The following CNTNAP2 variants were observed in gnomAD, a reference collection of about 807,000 sequenced individuals.
The protein encoded by CNTNAP2 is contactin associated protein 2, also known as contactin-associated protein-like 2.
Under a neutral mutation model 155.2 loss-of-function variants are expected in CNTNAP2, and 98 were observed. The observed-to-expected ratio is 0.63, with a 90% CI of 0.54 to 0.75. The LOEUF (loss-of-function observed/expected upper bound fraction) is 0.75. CNTNAP2 is among the 30% of genes least tolerant of loss of function. CNTNAP2 has a pLI of 0.00. For missense variants in CNTNAP2, 1,727 were observed against 1,688.1 expected, an observed-to-expected ratio of 1.02 and a Z score of -0.40; for synonymous variants, 651 against 631.2, an observed-to-expected ratio of 1.03 and a Z score of -0.47.
At chr7:148,334,445 A>G (rs1585283934) in intron 21 of CNTNAP2, among the ~76,000 whole-genome samples, 1 of 152,240 alleles carries the variant, frequency 6.6e-6, no homozygotes, top group Admixed American at 6.5e-5. Flanking sequence ...TTGCTACACA[A>G]TAACTTGGCA....
chr7:146,933,561 T>G (rs1055667111), intron 3 of CNTNAP2, among the ~76,000 whole-genome samples: 43 of 149,904 alleles, frequency 2.9e-4, no homozygotes, highest in African/African-American at 1.1e-3. Context: ...CCAAAAGCAA[T>G]GGCAACAAAA....
At chr7:146,199,936 A>T (rs1209032413) in intron 1 of CNTNAP2, among the ~76,000 whole-genome samples, 1 of 152,164 alleles carries the variant, frequency 6.6e-6, no homozygotes, top group Non-Finnish European at 1.5e-5. Flanking sequence ...TGGCTAGCTA[A>T]AATAAACTAA....
chr7:147,877,365 T>C (rs960559499), intron 13 of CNTNAP2, among the ~76,000 whole-genome samples: 3 of 152,190 alleles, frequency 2.0e-5, no homozygotes, highest in Admixed American at 6.5e-5. Context: ...TGCCCAGCAC[T>C]GAGCTAAACA....
At chr7:147,829,459 A>C (rs1402465949) in intron 13 of CNTNAP2, among the ~76,000 whole-genome samples, 1 of 152,222 alleles carries the variant, frequency 6.6e-6, no homozygotes, top group Non-Finnish European at 1.5e-5. Context: ...TTTGTCAGTG[A>C]TCATAATAGC....
At chr7:146,371,316 C>T (rs1795230429) in intron 1 of CNTNAP2, among the ~76,000 whole-genome samples, 1 of 148,818 alleles carries the variant, frequency 6.7e-6, no homozygotes, top group Non-Finnish European at 1.5e-5. Flanking sequence ...CATATCTATC[C>T]TTTTAAACTT....
chr7:146,539,992 G>A (rs2693407), intron 1 of CNTNAP2, among the ~76,000 whole-genome samples: 73,134 of 151,840 alleles, frequency 0.48, 21,094 homozygotes, highest in African/African-American at 0.82. Context: ...GTCAGAGGAG[G>A]GTGTTTACAC....
At chr7:147,221,919 T>C (rs577327845) in intron 8 of CNTNAP2, among the ~76,000 whole-genome samples, 1 of 152,322 alleles carries the variant, frequency 6.6e-6, no homozygotes, top group East Asian at 1.9e-4. Flanking sequence ...ACTCTTTTCT[T>C]GCTTGCATGG....
At chr7:148,353,594 A>G (rs1045997681) in intron 21 of CNTNAP2, among the ~76,000 whole-genome samples, 1 of 152,238 alleles carries the variant, frequency 6.6e-6, no homozygotes, top group Non-Finnish European at 1.5e-5. Context: ...ATTATTATCA[A>G]GAGCCTTTTG....
At chr7:146,497,984 A>C (rs1797245352) in intron 1 of CNTNAP2, among the ~76,000 whole-genome samples, 1 of 151,766 alleles carries the variant, frequency 6.6e-6, no homozygotes, top group Non-Finnish European at 1.5e-5. Context: ...TTACTAAAGT[A>C]CTGTACTGGA....
At chr7:147,370,152 C>T (rs1028680366) in intron 9 of CNTNAP2, among the ~76,000 whole-genome samples, 1 of 150,334 alleles carries the variant, frequency 6.7e-6, no homozygotes, top group South Asian at 2.1e-4. Flanking sequence ...AGAGTGTGTG[C>T]GATTTGCTAC....
chr7:148,126,465 G>T (rs1441521517), intron 16 of CNTNAP2, among the ~76,000 whole-genome samples: 1 of 152,130 alleles, frequency 6.6e-6, no homozygotes, highest in Non-Finnish European at 1.5e-5. Context: ...AATAATATGT[G>T]GAAAGGTGGA....
At chr7:148,251,469 T>C (rs1485048062) in intron 20 of CNTNAP2, among the ~76,000 whole-genome samples, 2 of 151,004 alleles carry the variant, frequency 1.3e-5, no homozygotes, top group Admixed American at 6.6e-5. Flanking sequence ...GTGTCCAAAG[T>C]TTTTTTTAGA....
At chr7:148,105,337 G>A (rs1293064844) in intron 15 of CNTNAP2, among the ~76,000 whole-genome samples, 3 of 152,100 alleles carry the variant, frequency 2.0e-5, no homozygotes, top group Admixed American at 1.3e-4. Flanking sequence ...CCAAAAAGAG[G>A]AAACAGTGCA....
At chr7:148,121,210 T>A (rs1321756018) in intron 16 of CNTNAP2, among the ~76,000 whole-genome samples, 2 of 152,008 alleles carry the variant, frequency 1.3e-5, no homozygotes, top group African/African-American at 4.8e-5. Flanking sequence ...AATTTTTGTA[T>A]TTTTAGTAGA....
At chr7:146,970,312 C>G (rs570097465) in intron 3 of CNTNAP2, among the ~76,000 whole-genome samples, 4 of 151,972 alleles carry the variant, frequency 2.6e-5, no homozygotes, top group Non-Finnish European at 5.9e-5. Flanking sequence ...ACCTACTCAT[C>G]TGACAAAGGG....
At chr7:147,368,426 C>T (rs1457867239) in intron 9 of CNTNAP2, among the ~76,000 whole-genome samples, 1 of 152,062 alleles carries the variant, frequency 6.6e-6, no homozygotes, top group Non-Finnish European at 1.5e-5. Flanking sequence ...CTTGCTTTAG[C>T]TCTTAAATAG....
intron 1 of CNTNAP2, among the ~76,000 whole-genome samples, chr7:146,592,389 G>A (rs1434915669): frequency 6.6e-6 from 1 of 152,198 alleles, no homozygotes; most frequent in Non-Finnish European, 1.5e-5. Flanking sequence ...TGGACCAGAT[G>A]GTCCCAAAGT....
At chr7:146,302,403 A>G (rs1382684872) in intron 1 of CNTNAP2, among the ~76,000 whole-genome samples, 1 of 152,158 alleles carries the variant, frequency 6.6e-6, no homozygotes, top group African/African-American at 2.4e-5. Flanking sequence ...CACTTAGTCA[A>G]AAATCTTAAG....
intron 3 of CNTNAP2, among the ~76,000 whole-genome samples, chr7:147,042,463 A>G (rs1799278228): frequency 6.6e-6 from 1 of 152,138 alleles, no homozygotes; most frequent in South Asian, 2.1e-4. Flanking sequence ...TGCGGGTTGG[A>G]TAACAGATCT....
Sources: gnomAD v4.1 joint callset for allele counts (sites outside exome capture counted in the v4.1 genomes callset) on GRCh38, gnomAD v4.1.1 for gene constraint, MANE v1.5 for transcripts, NCBI Gene and HGNC (gene_info 2026-07-23, HGNC 2026-07-21) for gene names.